EPHB1: variants seen among roughly 807,000 people sequenced by gnomAD.
EPHB1 encodes the protein ephrin type-B receptor 1.
In EPHB1, 30 loss-of-function variants were observed where a neutral mutation model predicts 94.4. The ratio of observed to expected loss-of-function variants is 0.32; its 90% CI spans 0.24 to 0.43. The LOEUF (loss-of-function observed/expected upper bound fraction) is 0.43. Ranked by LOEUF, EPHB1 falls within the 20% of genes least tolerant of loss-of-function variation. The pLI, the probability that EPHB1 is intolerant of heterozygous loss-of-function variation, is 1.00. For missense variants in EPHB1, 1,055 were observed against 1,308.3 expected, an observed-to-expected ratio of 0.81 and a Z score of 2.99; for synonymous variants, 522 against 489.1, an observed-to-expected ratio of 1.07 and a Z score of -0.89.
Position 135,179,987 on chromosome 3 carries a change from G to C in EPHB1, c.1882+5G>C, listed in dbSNP as rs1942110501. On this transcript the variant is annotated splice_donor_5th_base_variant and intron_variant, in intron 10 of 15. Transcript: ENST00000398015. ...TTGAAGAGGTCATCGGAGCAGGTAT[G>C]GCTCTTCCCTGTCTTGTTTCTGTTC... 2 of 1,613,608 alleles carry C rather than the reference G, an allele frequency of 1.2e-6. No homozygotes were observed. The highest frequency in any genetic ancestry group is 8.5e-7 in the Non-Finnish European group (1 of 1,179,646).
intron 15 of EPHB1, among the ~76,000 whole-genome samples, chr3:135,257,729 G>GGTGTA (rs1933466136): frequency 1.7e-5 from 2 of 118,748 alleles, no homozygotes; most frequent in African/African-American, 6.4e-5. Flanking sequence ...GCCTCCTTGA[G>GGTGTA]CTGGGCTCCA....
At chr3:135,121,869 G>C (rs1191904897) in intron 4 of EPHB1, among the ~76,000 whole-genome samples, 1 of 151,864 alleles carries the variant, frequency 6.6e-6, no homozygotes, top group Non-Finnish European at 1.5e-5. Flanking sequence ...AAAGTGAATA[G>C]ATGGAAAGGG....
chr3:134,949,576 A>G (rs911750659), intron 2 of EPHB1, among the ~76,000 whole-genome samples: 1 of 152,254 alleles, frequency 6.6e-6, no homozygotes, highest in African/African-American at 2.4e-5. Flanking sequence ...CTGTTAATGA[A>G]GAATTCTAGT....
At chr3:135,047,715 C>T (rs1559808649) in intron 3 of EPHB1, among the ~76,000 whole-genome samples, 3 of 152,346 alleles carry the variant, frequency 2.0e-5, no homozygotes. Flanking sequence ...CATTTACTTA[C>T]ACCCTTGTGA....
At chr3:135,050,587 C>G (rs1937140460) in intron 3 of EPHB1, among the ~76,000 whole-genome samples, 1 of 152,082 alleles carries the variant, frequency 6.6e-6, no homozygotes, top group Admixed American at 6.6e-5. Context: ...CCCTCCAAAT[C>G]TCATGTTGAA....
chr3:135,072,336 A>T (rs975838685), intron 3 of EPHB1, among the ~76,000 whole-genome samples: 4 of 152,178 alleles, frequency 2.6e-5, no homozygotes, highest in Non-Finnish European at 5.9e-5. Context: ...GTGAGCCAAG[A>T]TCACGCCACT....
chr3:134,893,068 G>T (rs1445140326), intron 1 of EPHB1, among the ~76,000 whole-genome samples: 2 of 152,062 alleles, frequency 1.3e-5, no homozygotes, highest in East Asian at 3.9e-4. Context: ...ATCCATCTGA[G>T]AACCAATTCA....
intron 1 of EPHB1, among the ~76,000 whole-genome samples, chr3:134,874,621 G>C (rs768319101): frequency 6.6e-6 from 1 of 152,234 alleles, no homozygotes; most frequent in Admixed American, 6.5e-5. Flanking sequence ...CATTGGGATG[G>C]TGGGTCCTTT....
intron 2 of EPHB1, among the ~76,000 whole-genome samples, chr3:134,946,935 T>C (rs2039227657): frequency 6.6e-6 from 1 of 152,230 alleles, no homozygotes; most frequent in Non-Finnish European, 1.5e-5. Flanking sequence ...TATTCCTTTA[T>C]AGCAACACAA....
chr3:135,191,086 CA>C (rs199680823), intron 10 of EPHB1, among the ~76,000 whole-genome samples: 8 of 117,298 alleles, frequency 6.8e-5, no homozygotes, highest in Admixed American at 2.8e-4. Flanking sequence ...AAAAACAAAA[CA>C]AAAAAAAAGG....
rs181375749 is a variant in EPHB1 at position 134,819,371 on chromosome 3, C to T, written c.58+23682C>T. 3.2e-4 allele frequency among the ~76,000 whole-genome samples: 49 copies of T among 152,174 alleles called. No individual in the cohort carries two copies. The East Asian group carries it at 6.0e-3, about 19-fold the overall frequency. ...CCTGCTAGTGAATTCCCATTTCCTA[C>T]GAGGGAGGCAGAAGGGTGCCCATGT... is the stretch of plus-strand genomic sequence containing the variant. On this transcript the variant is annotated intron_variant, in intron 1 of 15. Transcript: ENST00000398015.
At chr3:135,032,082 T>G (rs1936491037) in intron 3 of EPHB1, among the ~76,000 whole-genome samples, 1 of 152,124 alleles carries the variant, frequency 6.6e-6, no homozygotes, top group Non-Finnish European at 1.5e-5. Context: ...TTTCTAATAC[T>G]CATTGCCTGG....
chr3:135,205,684 T>C (rs1942883031), intron 12 of EPHB1, among the ~76,000 whole-genome samples: 1 of 152,202 alleles, frequency 6.6e-6, no homozygotes, highest in Admixed American at 6.5e-5. Context: ...GCCTACCACC[T>C]AGATTCTGGA....
chr3:135,007,536 G>A (rs1044369040), intron 3 of EPHB1, among the ~76,000 whole-genome samples: 1 of 152,174 alleles, frequency 6.6e-6, no homozygotes, highest in Non-Finnish European at 1.5e-5. Context: ...CTCTTTGGAA[G>A]GGATGTCCTT....
chr3:135,136,159 A>G (rs117707219), intron 5 of EPHB1, among the ~76,000 whole-genome samples: 11 of 152,298 alleles, frequency 7.2e-5, no homozygotes, highest in East Asian at 5.8e-4. Flanking sequence ...ATAGTCTCCA[A>G]CAATAGGCTC....
intron 3 of EPHB1, among the ~76,000 whole-genome samples, chr3:134,980,269 G>A (rs1177233179): frequency 1.3e-5 from 2 of 152,144 alleles, no homozygotes; most frequent in African/African-American, 2.4e-5. Context: ...TAGCATGGTG[G>A]TCTCGGTGCA....
intron 1 of EPHB1, among the ~76,000 whole-genome samples, chr3:134,877,780 C>T (rs1050276667): frequency 9.2e-5 from 14 of 152,124 alleles, no homozygotes; most frequent in African/African-American, 1.4e-4. Flanking sequence ...CTGTCATACC[C>T]GTGGTTTCGG....
intron 5 of EPHB1, among the ~76,000 whole-genome samples, chr3:135,151,242 G>A (rs2107693974): frequency 6.6e-6 from 1 of 152,156 alleles, no homozygotes; most frequent in South Asian, 2.1e-4. Context: ...TCCTCCTATG[G>A]CCCTCCAGCT....
chr3:135,148,554 A>G (rs1047781708), intron 5 of EPHB1, among the ~76,000 whole-genome samples: 1 of 152,122 alleles, frequency 6.6e-6, no homozygotes, highest in Non-Finnish European at 1.5e-5. Flanking sequence ...GGCAGTGACC[A>G]GTGGTCAGTG....
Sources: gnomAD v4.1 joint callset for allele counts (sites outside exome capture counted in the v4.1 genomes callset) on GRCh38, gnomAD v4.1.1 for gene constraint, MANE v1.5 for transcripts, NCBI Gene and HGNC (gene_info 2026-07-23, HGNC 2026-07-21) for gene names.